The following GPN2 variants were observed in gnomAD, a reference collection of about 807,000 sequenced individuals.
The protein encoded by GPN2 is GPN-loop GTPase 2.
In GPN2, 27 loss-of-function variants were observed where a neutral mutation model predicts 30.1. The ratio of observed to expected loss-of-function variants is 0.90; its 90% CI spans 0.66 to 1.24. The LOEUF is 1.24. Among genes scored for constraint, GPN2 ranks in the 50% most tolerant of loss-of-function variants. The probability of loss-of-function intolerance (pLI) is 0.00; values close to 1 mark genes in which losing one functional copy is unlikely to be tolerated. For synonymous variants in GPN2, 212 were observed against 174.4 expected (o/e 1.22, Z -1.70); for missense variants, 406 against 405.4 (o/e 1.00, Z -0.01).
At position 26,886,135 on chromosome 1, in the gene GPN2, T is replaced by TA; in HGVS notation, c.569-3dup. 6.2e-7 allele frequency: 1 copy of TA among 1,612,200 alleles called. No individual in the cohort carries two copies. Among genetic ancestry groups the TA allele is most frequent in the South Asian group, 1.1e-5 (1 of 91,022 alleles). On this transcript the variant is annotated splice_region_variant and splice_polypyrimidine_tract_variant and intron_variant, in intron 2 of 4. Coordinates refer to ENST00000374135, the MANE Select transcript of GPN2 (RefSeq NM_018066.4). ...CTGTGTAGTAGTCCAGGTTGAAGGC[T>TA]AAAGAGAGAAACCAGTGTTCAGGAG... is the stretch of plus-strand genomic sequence containing the variant.
intron 2 of GPN2, among the ~76,000 whole-genome samples, chr1:26,886,941 C>T (rs542488056): frequency 3.3e-5 from 5 of 150,134 alleles, no homozygotes; most frequent in South Asian, 4.2e-4. Context: ...TGCAGTGAGC[C>T]GAGATTACAC....
chr1:26,888,443 A>G (rs976770690), intron 2 of GPN2, among the ~76,000 whole-genome samples: 7 of 152,202 alleles, frequency 4.6e-5, no homozygotes, highest in Non-Finnish European at 1.0e-4. Context: ...TTTATTGGCT[A>G]AGCCATCTGG....
chr1:26,883,810 T>C (rs1357167401), intron 4 of GPN2, among the ~76,000 whole-genome samples: 1 of 143,766 alleles, frequency 7.0e-6, no homozygotes, highest in East Asian at 2.0e-4. Flanking sequence ...AAAAAAGAAA[T>C]TGGGTGGATC....
chr1:26,889,814 G>C lies in GPN2; in HGVS notation c.283C>G (p.Leu95Val). The C allele has an allele frequency of 6.2e-7, 1 of 1,613,860 alleles. No homozygotes were observed. Among genetic ancestry groups the C allele is most frequent in the Admixed American group, 1.7e-5 (1 of 60,030 alleles). ...MEYLEANLDW[L>V]RAKLDPLRGH... Reference sequence around the variant, plus strand: ...CGGAGGGGGTCGAGCTTGGCACGCAGCCAGTCCAGGTTGGCTTCCAGGTAC... The same window carrying C: ...CGGAGGGGGTCGAGCTTGGCACGCACCCAGTCCAGGTTGGCTTCCAGGTAC... The change falls in exon 1 of 5, where the codon CTG (leucine) becomes GTG (valine). Residue 95 changes from leucine to valine, a missense_variant. Coordinates refer to ENST00000374135, the MANE Select transcript of GPN2 (RefSeq NM_018066.4).
intron 4 of GPN2, 66 bp downstream of exon 4, chr1:26,884,093 TC>T: frequency 9.8e-7 from 1 of 1,017,426 alleles, no homozygotes; most frequent in South Asian, 1.4e-5. Flanking sequence ...TGACTGCACC[TC>T]CTGTGGCCAT....
In GPN2 at chr1:26,884,225, G is replaced by C. The variant is rs764078077; in HGVS notation, c.795C>G (p.Ala265=). The C allele has an allele frequency of 6.2e-7, 1 of 1,613,954 alleles. No individual in the cohort carries two copies. The highest frequency in any genetic ancestry group is 1.1e-5 in the South Asian group (1 of 91,066). Reference sequence around the variant, plus strand: ...TGGCTTCCAAGCTTCGCTGCTCTTGGGCTCTGAAACAGTATCCATTGGCTT... The same window carrying C: ...TGGCTTCCAAGCTTCGCTGCTCTTGCGCTCTGAAACAGTATCCATTGGCTT... ...VDKANGYCFR[A]QEQRSLEAMM... is the part of the protein sequence containing the mutation. Residue 265 remains alanine (A), a synonymous_variant, in exon 4 of 5, where the codon GCC becomes GCG. Coordinates refer to ENST00000374135, the MANE Select transcript of GPN2 (RefSeq NM_018066.4).
chr1:26,883,232 T>C (rs1413649481), intron 4 of GPN2, among the ~76,000 whole-genome samples: 2 of 152,176 alleles, frequency 1.3e-5, no homozygotes, highest in Non-Finnish European at 2.9e-5. Context: ...CCACATTCCT[T>C]AGTAGGGCAC....
rs181599424 is a variant in GPN2 at position 26,887,182 on chromosome 1, G to T, written c.569-1049C>A. Among the ~76,000 whole-genome samples, 18 of 152,232 alleles carry T rather than the reference G, an allele frequency of 1.2e-4. No individual in the cohort carries two copies. In the East Asian group the frequency reaches 3.5e-3, roughly 29 times the overall value. On this transcript the variant is annotated intron_variant, in intron 2 of 4. Transcript: ENST00000374135. ...ACATTCTAGCAGGGTAGCCTCCTGG[G>T]TAAATCACTTTCCTTTTCTGAGCCA...
chr1:26,885,418 TCA>T (rs1445368744), intron 3 of GPN2, among the ~76,000 whole-genome samples: 4 of 152,222 alleles, frequency 2.6e-5, no homozygotes, highest in African/African-American at 9.6e-5. Context: ...TCACCCATTT[TCA>T]CAGAGGACAG....
At position 26,879,554 on chromosome 1, in the gene GPN2, C is replaced by T; in HGVS notation, c.*123G>A. 1 of 733,590 alleles carries T rather than the reference C, an allele frequency of 1.4e-6. No individual in the cohort carries two copies. The highest frequency in any genetic ancestry group is 2.4e-6 in the Non-Finnish European group (1 of 415,132). 45.4% of individuals were successfully genotyped at this position (733,590 alleles called of 1,614,324 possible). ...AGAAGTCCTTTGCAGAGCTGAATAT[C>T]CCCTTGCCAGCCCGCCAGCTCTGGC... On this transcript the variant is annotated 3_prime_UTR_variant, in exon 5 of 5. Coordinates refer to ENST00000374135, the MANE Select transcript of GPN2 (RefSeq NM_018066.4).
chr1:26,886,075 C>T lies in GPN2; in HGVS notation c.627G>A (p.Leu209=), dbSNP rs2081889446. The part of the protein sequence containing the change: ...VLDLSYLLDH[L]ASDPFFRHYR... ...AGTGGCGGAAGAAAGGGTCAGAAGC[C>T]AGGTGGTCAAGCAGGTAGGAGAGGT... Residue 209 remains leucine (L), a synonymous_variant, in exon 3 of 5, where the codon CTG becomes CTA. Coordinates refer to ENST00000374135, the MANE Select transcript of GPN2 (RefSeq NM_018066.4). 6.2e-7 allele frequency: 1 copy of T among 1,613,458 alleles called. No individual in the cohort carries two copies. The highest frequency in any genetic ancestry group is 1.7e-5 in the Admixed American group (1 of 60,002).
chr1:26,889,177 T>C (rs2081906957), intron 1 of GPN2, 52 bp from the exon 2 acceptor site: 1 of 1,434,408 alleles, frequency 7.0e-7, no homozygotes, highest in Non-Finnish European at 9.8e-7. Flanking sequence ...GGGATCAGCA[T>C]TCCCTCATGA....
chr1:26,888,892 G>C, intron 2 of GPN2, 77 bp downstream of exon 2: 1 of 1,460,968 alleles, frequency 6.8e-7, no homozygotes, highest in Non-Finnish European at 9.5e-7. Flanking sequence ...ACCAGAGGCA[G>C]CTACCTTCAG....
chr1:26,890,242 G>C lies in GPN2; in HGVS notation c.-146C>G, dbSNP rs1375212133. ...CGCCTCAGGCGGAACAGCTGAGACC[G>C]TGTCGCGCAAAAGGAGATAACAGGC... On this transcript the variant is annotated 5_prime_UTR_variant, in exon 1 of 5. Coordinates refer to ENST00000374135, the MANE Select transcript of GPN2 (RefSeq NM_018066.4). 13 of 693,094 alleles carry C rather than the reference G, an allele frequency of 1.9e-5. No homozygotes were observed. The South Asian group carries it at 2.2e-4, about 12-fold the overall frequency. 42.9% of individuals were successfully genotyped at this position (693,094 alleles called of 1,614,324 possible).
Position 26,886,007 on chromosome 1 carries a change from T to C in GPN2, c.695A>G (p.Tyr232Cys), listed in dbSNP as rs1479666698. ...NEKLVQLIED[Y>C]SLVSFIPLNI... ...GAGAGGGATAAAGGAGACAAGGCTATAGTCTTCGATGAGCTGCACTAGCTT... is the reference window on the plus strand; with the variant it reads ...GAGAGGGATAAAGGAGACAAGGCTACAGTCTTCGATGAGCTGCACTAGCTT... The change falls in exon 3 of 5, where the codon TAT (tyrosine) becomes TGT (cysteine). Residue 232 changes from tyrosine to cysteine, a missense_variant. Transcript: ENST00000374135. The C allele has an allele frequency of 1.9e-6, 3 of 1,613,518 alleles. No individual in the cohort carries two copies. Among genetic ancestry groups the C allele is most frequent in the African/African-American group, 1.3e-5 (1 of 74,884 alleles).
At chr1:26,886,629 T>C in intron 2 of GPN2, 1 of 351,398 alleles carries the variant, frequency 2.8e-6, no homozygotes, top group South Asian at 2.1e-5. Flanking sequence ...CCATCCTGGC[T>C]AACACGATGA....
At chr1:26,885,742 G>C (rs2081887212) in intron 3 of GPN2, among the ~76,000 whole-genome samples, 1 of 152,002 alleles carries the variant, frequency 6.6e-6, no homozygotes, top group South Asian at 2.1e-4. Flanking sequence ...ACCACGCCCA[G>C]CTAATTTTTT....
chr1:26,888,947 C>A lies in GPN2; in HGVS notation c.568+22G>T, dbSNP rs755164797. ...CTAGCCCAGCTGCTGCCCTGCTCTTCGCCTGGAACAGAAGCTCTTACCCAG... is the reference window on the plus strand; with the variant it reads ...CTAGCCCAGCTGCTGCCCTGCTCTTAGCCTGGAACAGAAGCTCTTACCCAG... On this transcript the variant is annotated intron_variant, in intron 2 of 4. Transcript: ENST00000374135. 3 of 1,613,268 alleles carry A rather than the reference C, an allele frequency of 1.9e-6. No individual in the cohort carries two copies. In the South Asian group the frequency reaches 3.3e-5, roughly 18 times the overall value.
At position 26,876,975 on chromosome 1, in the gene GPN2, C is replaced by G. The variant is rs749596717; in HGVS notation, c.*2702G>C. 6.6e-6 allele frequency: 1 copy of G among 151,990 alleles called. No homozygotes were observed. Among genetic ancestry groups the G allele is most frequent in the Admixed American group, 6.6e-5 (1 of 15,220 alleles). 9.4% of individuals were successfully genotyped at this position (151,990 alleles called of 1,614,324 possible). On this transcript the variant is annotated 3_prime_UTR_variant, in exon 5 of 5. Coordinates refer to ENST00000374135, the MANE Select transcript of GPN2 (RefSeq NM_018066.4). The stretch of plus-strand genomic sequence containing the variant: ...TGTGAGTGGCAAGCATCAAAACCCA[C>G]GACCACAGCCGTTGGTACTGCTTTC...
Sources: gnomAD v4.1 joint callset for allele counts (sites outside exome capture counted in the v4.1 genomes callset) on GRCh38, gnomAD v4.1.1 for gene constraint, MANE v1.5 for transcripts, NCBI Gene and HGNC (gene_info 2026-07-23, HGNC 2026-07-21) for gene names.